NEGR1: variants seen among roughly 807,000 people sequenced by gnomAD.
NEGR1 encodes IgLON family member 4.
In NEGR1, 10 loss-of-function variants were observed where a neutral mutation model predicts 40.9. That is an observed-to-expected ratio of 0.24 (90% CI 0.15 to 0.42). The LOEUF (loss-of-function observed/expected upper bound fraction) is 0.42. NEGR1 is among the 10% of genes least tolerant of loss of function. The pLI, the probability that NEGR1 is intolerant of heterozygous loss-of-function variation, is 1.00. For synonymous variants in NEGR1, 185 were observed against 166.8 expected, an observed-to-expected ratio of 1.11 and a Z score of -0.84; for missense variants, 352 against 438.9, an observed-to-expected ratio of 0.80 and a Z score of 1.77.
chr1:71,996,583 C>T (rs1236913218), intron 1 of NEGR1, among the ~76,000 whole-genome samples: 2 of 152,202 alleles, frequency 1.3e-5, no homozygotes, highest in Non-Finnish European at 1.5e-5. Context: ...TTTTACTCAA[C>T]TATCCCTTCA....
intron 3 of NEGR1, among the ~76,000 whole-genome samples, chr1:71,718,233 A>C (rs1654341469): frequency 6.6e-6 from 1 of 152,134 alleles, no homozygotes; most frequent in Non-Finnish European, 1.5e-5. Flanking sequence ...ATTATGTGGA[A>C]GATCCCTCAT....
Position 72,001,502 on chromosome 1 carries a change from A to T in NEGR1, c.177-66191T>A, listed in dbSNP as rs1281512761. Among the ~76,000 whole-genome samples the T allele has an allele frequency of 4.0e-5, 6 of 151,872 alleles. No individual in the cohort carries two copies. In the South Asian group the frequency reaches 1.3e-3, roughly 32 times the overall value. On this transcript the variant is annotated intron_variant, in intron 1 of 6. Coordinates refer to ENST00000357731, the MANE Select transcript of NEGR1 (RefSeq NM_173808.3). ...CATTCACTCTTTAGGGTCAAATTTGACCTATAATCATAAGATCCTGGCATG... is the reference window on the plus strand; with the variant it reads ...CATTCACTCTTTAGGGTCAAATTTGTCCTATAATCATAAGATCCTGGCATG...
At chr1:71,980,217 T>C (rs897842394) in intron 1 of NEGR1, among the ~76,000 whole-genome samples, 1 of 152,090 alleles carries the variant, frequency 6.6e-6, no homozygotes, top group African/African-American at 2.4e-5. Context: ...TCTTTGACTT[T>C]TAAACTATGC....
intron 1 of NEGR1, among the ~76,000 whole-genome samples, chr1:72,055,846 A>G (rs529527355): frequency 6.7e-6 from 1 of 148,192 alleles, no homozygotes; most frequent in Admixed American, 6.8e-5. Flanking sequence ...CTCTTTCAAG[A>G]TAAAAAGCAC....
chr1:71,991,786 G>T (rs924103979), intron 1 of NEGR1, among the ~76,000 whole-genome samples: 1 of 151,704 alleles, frequency 6.6e-6, no homozygotes, highest in Non-Finnish European at 1.5e-5. Flanking sequence ...TATAGTATTT[G>T]TTTGTTTGTT....
intron 1 of NEGR1, among the ~76,000 whole-genome samples, chr1:72,070,745 T>C (rs1367252007): frequency 1.2e-4 from 19 of 152,092 alleles, no homozygotes; most frequent in African/African-American, 4.3e-4. Flanking sequence ...TCCAACTACA[T>C]TGTGGTTGTG....
At position 71,608,717 on chromosome 1, in the gene NEGR1, T is replaced by G. The variant is rs142760915; in HGVS notation, c.788+2309A>C. On this transcript the variant is annotated intron_variant, in intron 5 of 6. Transcript: ENST00000357731. ...TCAGTGTTACTTATACAGTGTTTTG[T>G]AGAGAACCAGGGATTTGGGGAACTC... Among the ~76,000 whole-genome samples, 619 of 152,286 alleles carry G rather than the reference T, an allele frequency of 4.1e-3. 11 individuals are homozygous for G. Among genetic ancestry groups the G allele is most frequent in the East Asian group, 4.8e-3 (25 of 5,176 alleles).
At chr1:72,003,340 A>C (rs1007102620) in intron 1 of NEGR1, among the ~76,000 whole-genome samples, 1 of 151,988 alleles carries the variant, frequency 6.6e-6, no homozygotes, top group Non-Finnish European at 1.5e-5. Flanking sequence ...GAAGCAGCAC[A>C]GCACACTGCA....
At chr1:71,656,341 T>C (rs539571473) in intron 4 of NEGR1, among the ~76,000 whole-genome samples, 1 of 152,230 alleles carries the variant, frequency 6.6e-6, no homozygotes, top group Non-Finnish European at 1.5e-5. Flanking sequence ...CCTTGGTTTA[T>C]CTATATAAAA....
intron 6 of NEGR1, among the ~76,000 whole-genome samples, chr1:71,469,997 T>C (rs1469319001): frequency 1.3e-5 from 2 of 152,112 alleles, no homozygotes; most frequent in Non-Finnish European, 2.9e-5. Flanking sequence ...GTCTTTTTAG[T>C]CTTCCTACTC....
chr1:71,416,448 T>C (rs1405362296), intron 6 of NEGR1, among the ~76,000 whole-genome samples: 1 of 152,180 alleles, frequency 6.6e-6, no homozygotes, highest in Non-Finnish European at 1.5e-5. Flanking sequence ...TTTTGAATAT[T>C]CCATTTACCT....
chr1:71,597,472 C>CTCTGTGTGTGTGTGTGTGTGTGTGTG (rs756076229), intron 5 of NEGR1, among the ~76,000 whole-genome samples: 15 of 31,332 alleles, frequency 4.8e-4, no homozygotes, highest in African/African-American at 1.5e-3. Context: ...CTCTCTCTCT[C>CTCTGTGTGTGTGTGTGTGTGTGTGTG]TGTGTGTGTG....
At chr1:72,232,442 T>C (rs1213673989) in intron 1 of NEGR1, among the ~76,000 whole-genome samples, 1 of 152,142 alleles carries the variant, frequency 6.6e-6, no homozygotes, top group Non-Finnish European at 1.5e-5. Flanking sequence ...TTAATCCATT[T>C]AAGTTAGTAT....
At chr1:71,750,215 G>T (rs530437721) in intron 3 of NEGR1, among the ~76,000 whole-genome samples, 24 of 151,726 alleles carry the variant, frequency 1.6e-4, no homozygotes, top group African/African-American at 5.8e-4. Flanking sequence ...GGATGGTCTC[G>T]ATCTCCTGAC....
intron 1 of NEGR1, among the ~76,000 whole-genome samples, chr1:72,146,318 G>A (rs75014666): frequency 0.23 from 34,274 of 152,104 alleles, 4,437 homozygotes; most frequent in Non-Finnish European, 0.29. Flanking sequence ...TTCTGGTGAT[G>A]CTGCTGTGCT....
chr1:71,597,669 G>A (rs1228690658), intron 5 of NEGR1, among the ~76,000 whole-genome samples: 1 of 151,724 alleles, frequency 6.6e-6, no homozygotes, highest in African/African-American at 2.4e-5. Context: ...CACTTTGGGA[G>A]GCTGAGGCGG....
intron 1 of NEGR1, among the ~76,000 whole-genome samples, chr1:72,068,416 T>C (rs891090385): frequency 3.3e-5 from 5 of 152,142 alleles, no homozygotes; most frequent in Admixed American, 3.3e-4. Context: ...ATCTAGCCCC[T>C]AGCTCTGGAT....
intron 1 of NEGR1, among the ~76,000 whole-genome samples, chr1:72,249,996 A>G (rs1225434149): frequency 6.6e-6 from 1 of 152,194 alleles, no homozygotes; most frequent in East Asian, 1.9e-4. Context: ...TAACTTGGCT[A>G]GGCAGTCTAG....
intron 2 of NEGR1, among the ~76,000 whole-genome samples, chr1:71,823,273 C>T (rs577145618): frequency 4.1e-4 from 62 of 151,246 alleles, no homozygotes; most frequent in East Asian, 2.0e-4. Context: ...CATCCATTCC[C>T]TTCTGGAGAA....
Sources: allele counts gnomAD v4.1 joint callset (sites outside exome capture counted in the v4.1 genomes callset), GRCh38; gene constraint gnomAD v4.1.1; transcripts MANE v1.5; gene names NCBI Gene and HGNC (gene_info 2026-07-23, HGNC 2026-07-21).